Variants in MMP2 observed in about 807,000 individuals in gnomAD.
The protein encoded by MMP2 is matrix metallopeptidase 2, also known as 72 kDa type IV collagenase.
Under a neutral mutation model 74.8 loss-of-function variants are expected in MMP2, and 39 were observed. The ratio of observed to expected loss-of-function variants is 0.52; its 90% CI spans 0.40 to 0.68. The LOEUF is 0.68. MMP2 is among the 30% of genes least tolerant of loss of function. The pLI is 0.00. For synonymous variants in MMP2, 367 were observed against 339.8 expected, an observed-to-expected ratio of 1.08 and a Z score of -0.88; for missense variants, 803 against 878.3, an observed-to-expected ratio of 0.91 and a Z score of 1.08.
At chr16:55,505,311 G>A (rs773774651) in intron 12 of MMP2, 28 bp from the exon 13 acceptor site, 1 of 1,579,778 alleles carries the variant, frequency 6.3e-7, no homozygotes, top group Admixed American at 1.7e-5. Flanking sequence ...GGATAAGGGG[G>A]TCACGGTCTC....
chr16:55,501,010 C>T (rs1172734065), intron 11 of MMP2, among the ~76,000 whole-genome samples: 1 of 152,214 alleles, frequency 6.6e-6, no homozygotes, highest in Non-Finnish European at 1.5e-5. Flanking sequence ...TCACACCCTG[C>T]CCTCATGTAG....
chr16:55,486,337 G>GTGTGCC (rs1567374976), intron 5 of MMP2, among the ~76,000 whole-genome samples: 38 of 122,168 alleles, frequency 3.1e-4, no homozygotes, highest in East Asian at 2.1e-3. Context: ...GTGTGTGTGT[G>GTGTGCC]TGTGTGTGCC....
intron 3 of MMP2, among the ~76,000 whole-genome samples, chr16:55,484,698 C>A (rs17301608): frequency 2.6e-5 from 4 of 151,888 alleles, no homozygotes; most frequent in African/African-American, 9.7e-5. Context: ...GAGGAAGGGT[C>A]GTAGAACCTG....
At chr16:55,502,365 A>G (rs1223192471) in intron 11 of MMP2, among the ~76,000 whole-genome samples, 1 of 152,210 alleles carries the variant, frequency 6.6e-6, no homozygotes, top group African/African-American at 2.4e-5. Context: ...CTAAATATTT[A>G]TGAGACATGG....
chr16:55,493,713 A>G (rs1294918469), intron 9 of MMP2, among the ~76,000 whole-genome samples: 1 of 152,226 alleles, frequency 6.6e-6, no homozygotes, highest in Non-Finnish European at 1.5e-5. Context: ...GACCTACCCT[A>G]GAGGGTAGTA....
chr16:55,495,567 T>C (rs967024755), intron 9 of MMP2, among the ~76,000 whole-genome samples: 3 of 152,212 alleles, frequency 2.0e-5, no homozygotes, highest in Admixed American at 6.5e-5. Flanking sequence ...TATTTAGTCA[T>C]TGATGTAGTG....
In MMP2 at chr16:55,485,777, G is replaced by A; in HGVS notation, c.832G>A (p.Ala278Thr). 6.2e-7 allele frequency: 1 copy of A among 1,613,230 alleles called. No individual in the cohort carries two copies. The highest frequency in any genetic ancestry group is 1.1e-5 in the South Asian group (1 of 91,062). ...DGKYGFCPHE[A>T]LFTMGGNAEG... ...CAAGTACGGCTTCTGTCCCCATGAAGGTGAGCATCCACTCTAGTCCCCAAG... is the reference window on the plus strand; with the variant it reads ...CAAGTACGGCTTCTGTCCCCATGAAAGTGAGCATCCACTCTAGTCCCCAAG... The change falls in exon 5 of 13, where the codon GCC becomes ACC. Residue 278 changes from alanine to threonine, a missense_variant and splice_region_variant. By Grantham distance (58) the Ala-to-Thr change is moderately conservative. Transcript: ENST00000219070.
Position 55,489,788 on chromosome 16 carries a change from G to A in MMP2, c.1144G>A (p.Asp382Asn), listed in dbSNP as rs555030156. 121 of 1,614,178 alleles carry A rather than the reference G, an allele frequency of 7.5e-5. 1 individual carries two copies. Among genetic ancestry groups the A allele is most frequent in the Middle Eastern group, 6.6e-4 (4 of 6,062 alleles). Residue 382 changes from aspartate to asparagine, a missense_variant, in exon 7 of 13, where the codon GAT becomes AAT. Coordinates refer to ENST00000219070, the MANE Select transcript of MMP2 (RefSeq NM_004530.6). The part of the protein sequence containing the change: ...KMWCATTANY[D>N]DDRKWGFCPD... ...GTGGTGTGCGACCACAGCCAACTAC[G>A]ATGATGACCGCAAGTGGGGCTTCTG...
intron 5 of MMP2, among the ~76,000 whole-genome samples, chr16:55,486,339 G>GCC (rs1567374986): frequency 5.9e-5 from 6 of 101,126 alleles, no homozygotes; most frequent in East Asian, 3.5e-4. Flanking sequence ...GTGTGTGTGT[G>GCC]TGTGTGCCTG....
At chr16:55,497,895 A>G (rs774699269) in intron 10 of MMP2, among the ~76,000 whole-genome samples, 2 of 152,136 alleles carry the variant, frequency 1.3e-5, no homozygotes, top group Non-Finnish European at 2.9e-5. Flanking sequence ...CTCAGCCAAG[A>G]CTATTGTCTC....
chr16:55,505,135 G>C (rs919927040), intron 12 of MMP2, among the ~76,000 whole-genome samples: 2 of 151,818 alleles, frequency 1.3e-5, no homozygotes, highest in African/African-American at 2.4e-5. Flanking sequence ...TATGTTTTTC[G>C]TAGAAATGGG....
At chr16:55,485,174 C>T (rs1198688067) in intron 3 of MMP2, 125 bp from the exon 4 acceptor site, 5 of 1,376,582 alleles carry the variant, frequency 3.6e-6, no homozygotes, top group African/African-American at 1.4e-5. Context: ...CTGGATAACC[C>T]CACTGGGACA....
intron 11 of MMP2, among the ~76,000 whole-genome samples, chr16:55,501,767 G>A (rs1240614782): frequency 6.6e-6 from 1 of 152,082 alleles, no homozygotes; most frequent in East Asian, 1.9e-4. Flanking sequence ...AAGGAAGGGA[G>A]CCCCCTAGGA....
chr16:55,491,982 G>A (rs1567378159), intron 8 of MMP2, 26 bp downstream of exon 8: 12 of 1,576,396 alleles, frequency 7.6e-6, no homozygotes, highest in South Asian at 3.3e-5. Flanking sequence ...GGGGTTGGGG[G>A]TGGAGGGTGA....
intron 1 of MMP2, 105 bp downstream of exon 1, chr16:55,479,737 G>A: frequency 6.8e-7 from 1 of 1,473,774 alleles, no homozygotes; most frequent in South Asian, 1.2e-5. Context: ...CACAGCGTGG[G>A]GGAGGGGCTT....
chr16:55,502,227 G>A (rs1962684336), intron 11 of MMP2, among the ~76,000 whole-genome samples: 1 of 152,100 alleles, frequency 6.6e-6, no homozygotes, highest in South Asian at 2.1e-4. Flanking sequence ...TGAAGAAGCA[G>A]CAATTTTTCC....
intron 8 of MMP2, 81 bp from the exon 9 acceptor site, chr16:55,493,077 G>A: frequency 2.6e-6 from 4 of 1,558,392 alleles, no homozygotes; most frequent in Non-Finnish European, 3.5e-6. Context: ...TTAGATGGTT[G>A]GGTGGGCACC....
At position 55,485,073 on chromosome 16, in the gene MMP2, C is replaced by T. The variant is rs548652713; in HGVS notation, c.530-226C>T. ...ACAATGGAGGTAGAGGGTATGGATA[C>T]TGGGAGTCATGTAAACCTGGGAGAG... On this transcript the variant is annotated intron_variant, in intron 3 of 12. Coordinates refer to ENST00000219070, the MANE Select transcript of MMP2 (RefSeq NM_004530.6). Among the ~76,000 whole-genome samples, 8 of 152,042 alleles carry T rather than the reference C, an allele frequency of 5.3e-5. No individual in the cohort carries two copies. The South Asian group carries it at 1.7e-3, about 32-fold the overall frequency.
At chr16:55,493,086 C>A in intron 8 of MMP2, 72 bp from the exon 9 acceptor site, 3 of 1,592,706 alleles carry the variant, frequency 1.9e-6, no homozygotes, top group South Asian at 1.1e-5. Context: ...TGGGTGGGCA[C>A]CCCTGGGGGC....
Sources: allele counts gnomAD v4.1 joint callset (sites outside exome capture counted in the v4.1 genomes callset), GRCh38; gene constraint gnomAD v4.1.1; transcripts MANE v1.5; gene names NCBI Gene and HGNC (gene_info 2026-07-23, HGNC 2026-07-21).